The following ITGB6 variants were observed in gnomAD, a reference collection of about 807,000 sequenced individuals.
ITGB6 encodes the protein integrin beta-6.
A neutral mutation model predicts 84.5 loss-of-function variants in ITGB6; 80 were observed. The observed-to-expected ratio is 0.95, with a 90% CI of 0.79 to 1.14. The LOEUF (loss-of-function observed/expected upper bound fraction) is 1.14, where lower values mean the gene tolerates loss of function less well. ITGB6 is among the 50% of genes most tolerant of loss of function. The pLI is 0.00. For synonymous variants in ITGB6, 383 were observed against 354.9 expected (o/e 1.08, Z -0.89); for missense variants, 1,006 against 968.0 (o/e 1.04, Z -0.52).
intron 12 of ITGB6, among the ~76,000 whole-genome samples, chr2:160,122,560 G>A (rs1455477104): frequency 6.6e-6 from 1 of 152,180 alleles, no homozygotes; most frequent in East Asian, 1.9e-4. Flanking sequence ...AGGTACTAAT[G>A]TGGGAAGTCC....
At chr2:160,193,928 G>A (rs1206783381) in intron 4 of ITGB6, among the ~76,000 whole-genome samples, 10 of 152,210 alleles carry the variant, frequency 6.6e-5, no homozygotes, top group African/African-American at 2.2e-4. Context: ...AGGCCAAGGC[G>A]GGTGGATCGC....
At chr2:160,107,562 TG>T (rs1325134099) in intron 14 of ITGB6, 116 bp downstream of exon 14, 3 of 897,128 alleles carry the variant, frequency 3.3e-6, no homozygotes, top group Non-Finnish European at 5.3e-6. Flanking sequence ...ATGGCGAGAG[TG>T]GGAGAGAAAA....
intron 12 of ITGB6, among the ~76,000 whole-genome samples, chr2:160,121,059 A>G (rs1030672295): frequency 6.6e-6 from 1 of 152,058 alleles, no homozygotes; most frequent in Non-Finnish European, 1.5e-5. Context: ...TTAAAGTATA[A>G]TGATAATAAA....
At chr2:160,182,649 A>G (rs1285936972) in intron 4 of ITGB6, among the ~76,000 whole-genome samples, 1 of 152,160 alleles carries the variant, frequency 6.6e-6, no homozygotes, top group Non-Finnish European at 1.5e-5. Flanking sequence ...AGAAAACCAC[A>G]AAGATACTCC....
chr2:160,120,161 T>G (rs2105792477), intron 12 of ITGB6, among the ~76,000 whole-genome samples: 1 of 152,174 alleles, frequency 6.6e-6, no homozygotes, highest in East Asian at 1.9e-4. Flanking sequence ...GCCATCCCAT[T>G]ACTGGATATA....
At chr2:160,139,599 T>A (rs1208242176) in intron 8 of ITGB6, among the ~76,000 whole-genome samples, 1 of 152,226 alleles carries the variant, frequency 6.6e-6, no homozygotes, top group African/African-American at 2.4e-5. Context: ...GTGGATGACA[T>A]GATCTGACCT....
intron 12 of ITGB6, among the ~76,000 whole-genome samples, chr2:160,114,123 G>A (rs1346825261): frequency 6.6e-6 from 1 of 152,028 alleles, no homozygotes; most frequent in Non-Finnish European, 1.5e-5. Context: ...ACTTGACCTG[G>A]TCAGGGTTAT....
At position 160,126,541 on chromosome 2, in the gene ITGB6, C is replaced by T; in HGVS notation, c.1721G>A (p.Cys574Tyr). 6.2e-7 allele frequency: 1 copy of T among 1,614,020 alleles called. No homozygotes were observed. The highest frequency in any genetic ancestry group is 8.5e-7 in the Non-Finnish European group (1 of 1,179,992). The change falls in exon 11 of 15, where the codon TGC becomes TAC. Residue 574 changes from cysteine (C) to tyrosine (Y), a missense_variant. By Grantham distance (194) the Cys-to-Tyr change is radical. Coordinates refer to ENST00000283249, the MANE Select transcript of ITGB6 (RefSeq NM_000888.5). Reference sequence around the variant, plus strand: ...GGAGTCCGTGCTGGTGGTGCAGTTGCAGTACTCGCCAGTCCAGCCGCTCCT... The same window carrying T: ...GGAGTCCGTGCTGGTGGTGCAGTTGTAGTACTCGCCAGTCCAGCCGCTCCT... The part of the protein sequence containing the change: ...VCRSGWTGEY[C>Y]NCTTSTDSCV...
chr2:160,193,359 A>G (rs897208962), intron 4 of ITGB6, among the ~76,000 whole-genome samples: 2 of 152,248 alleles, frequency 1.3e-5, no homozygotes, highest in African/African-American at 4.8e-5. Flanking sequence ...ATTATGTTGA[A>G]CCAAAGAAGC....
intron 2 of ITGB6, 42 bp downstream of exon 2, chr2:160,199,137 T>C: frequency 6.8e-7 from 1 of 1,475,224 alleles, no homozygotes; most frequent in Non-Finnish European, 9.5e-7. Flanking sequence ...TGAATTTAAC[T>C]GCAGACAGGT....
chr2:160,141,217 T>G (rs766884614), intron 8 of ITGB6, among the ~76,000 whole-genome samples: 7 of 152,258 alleles, frequency 4.6e-5, no homozygotes, highest in Admixed American at 1.3e-4. Context: ...ATTTAGGGCT[T>G]CTTCTTTCTC....
intron 4 of ITGB6, among the ~76,000 whole-genome samples, chr2:160,176,524 G>A (rs894562639): frequency 3.3e-5 from 5 of 152,116 alleles, no homozygotes; most frequent in African/African-American, 4.8e-5. Context: ...TGTTCATCAG[G>A]TTTCATTGAA....
intron 4 of ITGB6, among the ~76,000 whole-genome samples, chr2:160,190,226 G>A (rs536597231): frequency 8.5e-6 from 1 of 117,356 alleles, no homozygotes; most frequent in Non-Finnish European, 1.7e-5. Flanking sequence ...AGGGGGGAGG[G>A]TTAGCATTAG....
rs1682562065 is a variant in ITGB6 at position 160,112,186 on chromosome 2, A to G, written c.1995T>C (p.Asp665=). 3 of 1,611,664 alleles carry G rather than the reference A, an allele frequency of 1.9e-6. No homozygotes were observed. Among genetic ancestry groups the G allele is most frequent in the Non-Finnish European group, 2.5e-6 (3 of 1,178,906 alleles). ...CTTGCAGAGAGCAGGAAACAGAACC[A>G]TCCTTTGAGAAATCTGCAGATAAAG... ...TISEEEDFSK[D]GSVSCSLQGE... is the part of the protein sequence containing the mutation. The change falls in exon 13 of 15, where the codon GAT becomes GAC. Residue 665 remains aspartate (D), a synonymous_variant. Transcript: ENST00000283249.
Position 160,196,289 on chromosome 2 carries a change from A to C in ITGB6, c.273T>G (p.Ser91Arg). 2 of 1,614,070 alleles carry C rather than the reference A, an allele frequency of 1.2e-6. No homozygotes were observed. The highest frequency in any genetic ancestry group is 1.7e-6 in the Non-Finnish European group (2 of 1,179,972). ...QVEILKNKPL[S>R]VGRQKNSSDI... ...CAGAACTATTTTTCTGTCTGCCTAC[A>C]CTGAGAGGCTTATTTTTAAGTATTT... is the stretch of plus-strand genomic sequence containing the variant. Residue 91 changes from serine to arginine, a missense_variant, in exon 3 of 15, where the codon AGT (serine) becomes AGG (arginine). By Grantham distance (110) the Ser-to-Arg change is moderately radical. Transcript: ENST00000283249.
At chr2:160,191,334 G>A (rs1050245133) in intron 4 of ITGB6, among the ~76,000 whole-genome samples, 2 of 152,126 alleles carry the variant, frequency 1.3e-5, no homozygotes, top group Non-Finnish European at 2.9e-5. Flanking sequence ...TGATTTTGGA[G>A]GGGCAGCTAG....
At chr2:160,180,269 T>G (rs1328334900) in intron 4 of ITGB6, among the ~76,000 whole-genome samples, 1 of 152,112 alleles carries the variant, frequency 6.6e-6, no homozygotes, top group Admixed American at 6.6e-5. Flanking sequence ...TGAAAATAAA[T>G]GAGCTACTCC....
chr2:160,151,444 C>T (rs530259495), intron 7 of ITGB6, among the ~76,000 whole-genome samples: 8 of 152,278 alleles, frequency 5.3e-5, no homozygotes, highest in Non-Finnish European at 1.2e-4. Context: ...ACATTCAAAG[C>T]AGTGTGTAGA....
At chr2:160,102,990 T>A (rs1295460280) in intron 14 of ITGB6, among the ~76,000 whole-genome samples, 1 of 152,206 alleles carries the variant, frequency 6.6e-6, no homozygotes, top group Admixed American at 6.5e-5. Flanking sequence ...GGAATTTCCT[T>A]TTCTTTTAGG....
Sources: gnomAD v4.1 joint callset for allele counts (sites outside exome capture counted in the v4.1 genomes callset) on GRCh38, gnomAD v4.1.1 for gene constraint, MANE v1.5 for transcripts, NCBI Gene and HGNC (gene_info 2026-07-23, HGNC 2026-07-21) for gene names.